FMN1: variants seen among roughly 807,000 people sequenced by gnomAD.
FMN1 encodes the protein formin-1.
A neutral mutation model predicts 132.4 loss-of-function variants in FMN1; 110 were observed. The observed-to-expected ratio is 0.83, with a 90% confidence interval of 0.71 to 0.97. The LOEUF (loss-of-function observed/expected upper bound fraction) is 0.97, where lower values mean the gene tolerates loss of function less well. FMN1 is among the 50% of genes least tolerant of loss of function. The pLI is 0.00. For synonymous variants in FMN1, 722 were observed against 651.7 expected (o/e 1.11, Z -1.64); for missense variants, 1,792 against 1,705.3 (o/e 1.05, Z -0.90).
At chr15:33,084,288 G>T (rs946036456) in intron 5 of FMN1, among the ~76,000 whole-genome samples, 2 of 152,156 alleles carry the variant, frequency 1.3e-5, no homozygotes, top group Non-Finnish European at 2.9e-5. Flanking sequence ...CCCCTATCTG[G>T]TAACAGTAAT....
chr15:32,780,520 T>C (rs2056630210), intron 19 of FMN1, among the ~76,000 whole-genome samples: 1 of 152,204 alleles, frequency 6.6e-6, no homozygotes, highest in African/African-American at 2.4e-5. Context: ...ACCATAAAAG[T>C]GGGCAGCCAG....
chr15:33,059,158 C>T (rs1039027109), intron 6 of FMN1, among the ~76,000 whole-genome samples: 1 of 152,138 alleles, frequency 6.6e-6, no homozygotes, highest in Non-Finnish European at 1.5e-5. Context: ...CTTTCTTGTG[C>T]CTGGCTTATT....
chr15:32,990,155 T>C (rs572534422), intron 7 of FMN1, among the ~76,000 whole-genome samples: 1 of 152,158 alleles, frequency 6.6e-6, no homozygotes, highest in African/African-American at 2.4e-5. Context: ...TTCAAATAAA[T>C]AGGTCTGAAA....
rs80005290 is a variant in FMN1, at chr15:32,888,319, A to G, written c.3715-27T>C. On this transcript the variant is annotated intron_variant, in intron 15 of 20. Transcript: ENST00000616417. Reference sequence around the variant, plus strand: ...TAAGAGATATGGTAAACAAAAGTACATTATACTTCCCAATTGTCACTTTCA... The same window carrying G: ...TAAGAGATATGGTAAACAAAAGTACGTTATACTTCCCAATTGTCACTTTCA... 0.024 allele frequency: 36,864 copies of G among 1,557,888 alleles called. 686 individuals are homozygous for G. The highest frequency in any genetic ancestry group is 0.11 in the East Asian group (4,773 of 44,242).
intron 3 of FMN1, among the ~76,000 whole-genome samples, chr15:33,170,573 G>A (rs558915875): frequency 3.9e-4 from 57 of 147,046 alleles, no homozygotes; most frequent in African/African-American, 1.4e-3. Flanking sequence ...AAAAAAACCC[G>A]TTGAAAAATG....
chr15:33,019,526 G>A (rs1428873422), intron 6 of FMN1, among the ~76,000 whole-genome samples: 4 of 152,214 alleles, frequency 2.6e-5, no homozygotes, highest in African/African-American at 7.2e-5. Context: ...GCGCCCTGGA[G>A]TAGGGGGCGG....
At chr15:32,956,696 C>A (rs1235808909) in intron 9 of FMN1, among the ~76,000 whole-genome samples, 1 of 152,062 alleles carries the variant, frequency 6.6e-6, no homozygotes, top group Non-Finnish European at 1.5e-5. Flanking sequence ...ACGTGAAAAA[C>A]GTAAAGGGGT....
chr15:32,884,614 A>G (rs1241481703), intron 16 of FMN1, among the ~76,000 whole-genome samples: 4 of 152,196 alleles, frequency 2.6e-5, no homozygotes, highest in African/African-American at 9.7e-5. Context: ...TCTGCCTACC[A>G]CATATGGGTG....
intron 4 of FMN1, among the ~76,000 whole-genome samples, chr15:33,113,786 G>C (rs1197558723): frequency 6.6e-6 from 1 of 152,082 alleles, no homozygotes; most frequent in Non-Finnish European, 1.5e-5. Context: ...TTTCATCTGT[G>C]ACTCCTTCCA....
intron 17 of FMN1, among the ~76,000 whole-genome samples, chr15:32,821,601 G>A (rs546188882): frequency 2.0e-5 from 3 of 151,794 alleles, no homozygotes; most frequent in Admixed American, 6.6e-5. Context: ...ACAGGCGCCC[G>A]CCACCATGCC....
chr15:33,165,997 A>G (rs1965091620), intron 3 of FMN1, among the ~76,000 whole-genome samples: 1 of 152,228 alleles, frequency 6.6e-6, no homozygotes, highest in African/African-American at 2.4e-5. Context: ...ATTATCTCAC[A>G]TTATGTGTGT....
At chr15:32,891,273 A>C (rs568667521) in intron 15 of FMN1, among the ~76,000 whole-genome samples, 1 of 152,236 alleles carries the variant, frequency 6.6e-6, no homozygotes, top group East Asian at 1.9e-4. Context: ...CTTGAGACGG[A>C]GTCTCGCTCT....
chr15:32,810,538 T>G (rs1460510915), intron 17 of FMN1, among the ~76,000 whole-genome samples: 2 of 152,210 alleles, frequency 1.3e-5, no homozygotes, highest in African/African-American at 2.4e-5. Context: ...CACAGTTAAC[T>G]TTGAAAAAGA....
At chr15:32,853,744 T>C (rs532468927) in intron 17 of FMN1, among the ~76,000 whole-genome samples, 7 of 152,334 alleles carry the variant, frequency 4.6e-5, no homozygotes, top group African/African-American at 1.7e-4. Context: ...TTCAGAAATG[T>C]AGAGGTAACA....
chr15:33,146,239 T>G (rs1312537203), intron 4 of FMN1, among the ~76,000 whole-genome samples: 1 of 152,186 alleles, frequency 6.6e-6, no homozygotes, highest in Non-Finnish European at 1.5e-5. Context: ...TCTTCAATAC[T>G]GCAAAACTGT....
At chr15:33,098,136 C>T (rs1054013165) in intron 4 of FMN1, among the ~76,000 whole-genome samples, 7 of 152,144 alleles carry the variant, frequency 4.6e-5, no homozygotes, top group Non-Finnish European at 1.5e-5. Flanking sequence ...TGAGACCATA[C>T]ACTTCAAAAT....
chr15:32,892,605 A>G (rs2060059028), intron 15 of FMN1, among the ~76,000 whole-genome samples: 1 of 152,072 alleles, frequency 6.6e-6, no homozygotes, highest in Admixed American at 6.5e-5. Context: ...CTCTTTCTCT[A>G]TCTTGTGGAA....
At chr15:32,840,052 C>T (rs1328184056) in intron 17 of FMN1, among the ~76,000 whole-genome samples, 1 of 152,176 alleles carries the variant, frequency 6.6e-6, no homozygotes, top group Non-Finnish European at 1.5e-5. Context: ...AGTGATGAAT[C>T]CTCCCCGGGA....
chr15:32,908,761 T>C (rs1241106524), intron 11 of FMN1, among the ~76,000 whole-genome samples, 183 bp from the exon 12 acceptor site: 2 of 151,732 alleles, frequency 1.3e-5, no homozygotes, highest in African/African-American at 2.4e-5. Flanking sequence ...GAACTTGGGG[T>C]GTGGGTGGGG....
Sources: gnomAD v4.1 joint callset for allele counts (sites outside exome capture counted in the v4.1 genomes callset) on GRCh38, gnomAD v4.1.1 for gene constraint, MANE v1.5 for transcripts, NCBI Gene and HGNC (gene_info 2026-07-23, HGNC 2026-07-21) for gene names.